Variants in PTPRT observed in about 807,000 individuals in gnomAD.
PTPRT encodes protein tyrosine phosphatase receptor type T, also known as receptor-type tyrosine-protein phosphatase T.
PTPRT carries 56 observed loss-of-function variants against 176.8 expected under a neutral mutation model. The ratio of observed to expected loss-of-function variants is 0.32; its 90% CI spans 0.26 to 0.40. The LOEUF (loss-of-function observed/expected upper bound fraction) is 0.40. Among genes scored for constraint, PTPRT ranks in the 10% least tolerant of loss-of-function variants. The pLI is 1.00. For missense variants in PTPRT, 1,540 were observed against 1,908.2 expected, an observed-to-expected ratio of 0.81 and a Z score of 3.60; for synonymous variants, 783 against 739.0, an observed-to-expected ratio of 1.06 and a Z score of -0.96.
At chr20:42,428,117 A>G (rs1243674334) in intron 9 of PTPRT, among the ~76,000 whole-genome samples, 1 of 152,204 alleles carries the variant, frequency 6.6e-6, no homozygotes, top group East Asian at 1.9e-4. Flanking sequence ...TACATTGGGA[A>G]TTAGGTTTTA....
intron 11 of PTPRT, among the ~76,000 whole-genome samples, chr20:42,319,289 T>C (rs969914577): frequency 2.0e-5 from 3 of 151,336 alleles, no homozygotes; most frequent in Admixed American, 6.6e-5. Context: ...TATTTTCTTC[T>C]CTTCCTACAA....
At chr20:42,048,896 A>C in the PTPRT span, among the ~76,000 whole-genome samples, 2 of 152,166 alleles carry the variant, frequency 1.3e-5, no homozygotes, top group Non-Finnish European at 2.9e-5. Context: ...ATCTCGGCTC[A>C]CTGCAACCTC....
intron 2 of PTPRT, among the ~76,000 whole-genome samples, chr20:42,861,460 G>A (rs1398765118): frequency 2.0e-5 from 3 of 151,776 alleles, no homozygotes; most frequent in South Asian, 2.1e-4. Flanking sequence ...TGAAATTAAC[G>A]TGACACTTAT....
chr20:42,441,450 C>T (rs922182290), intron 9 of PTPRT, among the ~76,000 whole-genome samples: 1 of 152,088 alleles, frequency 6.6e-6, no homozygotes, highest in African/African-American at 2.4e-5. Flanking sequence ...GGAAGAGGAG[C>T]GGCAGGTGAA....
chr20:43,088,333 G>GGTGTGTGTGTGTGTGTGT (rs67837016), intron 1 of PTPRT, among the ~76,000 whole-genome samples: 4 of 142,758 alleles, frequency 2.8e-5, no homozygotes, highest in Non-Finnish European at 4.6e-5. Context: ...TTTGCTTTGG[G>GGTGTGTGTGTGTGTGTGT]GTGTGTGTGT....
At chr20:42,219,896 G>A (rs539080189) in intron 15 of PTPRT, among the ~76,000 whole-genome samples, 6 of 152,286 alleles carry the variant, frequency 3.9e-5, no homozygotes, top group African/African-American at 1.4e-4. Flanking sequence ...AGACAGATGA[G>A]AACTCACATG....
At chr20:42,162,585 T>C (rs1989651340) in intron 16 of PTPRT, among the ~76,000 whole-genome samples, 2 of 152,152 alleles carry the variant, frequency 1.3e-5, no homozygotes, top group African/African-American at 2.4e-5. Context: ...TCCAAAGACA[T>C]GGACAGTCTA....
At chr20:42,199,096 G>C in intron 16 of PTPRT, 144 bp downstream of exon 16, 1 of 926,082 alleles carries the variant, frequency 1.1e-6, no homozygotes, top group Non-Finnish European at 1.6e-6. Flanking sequence ...CTTTGTCAGG[G>C]AGAACCTTCA....
At chr20:42,935,977 A>C (rs973952009) in intron 1 of PTPRT, among the ~76,000 whole-genome samples, 1 of 152,188 alleles carries the variant, frequency 6.6e-6, no homozygotes, top group Admixed American at 6.5e-5. Flanking sequence ...CGAACTCCCA[A>C]CCTCAGGTAA....
intron 18 of PTPRT, 33 bp from the exon 19 acceptor site, chr20:42,128,863 G>A: frequency 1.9e-6 from 3 of 1,564,134 alleles, no homozygotes; most frequent in Non-Finnish European, 2.6e-6. Context: ...GGGGATGGTT[G>A]ATAAGAGGCC....
intron 19 of PTPRT, among the ~76,000 whole-genome samples, chr20:42,124,041 G>A (rs1987727154): frequency 6.6e-6 from 1 of 152,154 alleles, no homozygotes; most frequent in Non-Finnish European, 1.5e-5. Context: ...CATGCTGTGT[G>A]CCTGTTCCCA....
intron 17 of PTPRT, among the ~76,000 whole-genome samples, chr20:42,149,291 G>A (rs886853859): frequency 1.5e-4 from 23 of 152,336 alleles, no homozygotes; most frequent in Admixed American, 4.6e-4. Context: ...GCTCTCCAGA[G>A]CAGAGAGAAT....
intron 12 of PTPRT, among the ~76,000 whole-genome samples, chr20:42,296,006 C>T (rs1179800230): frequency 1.3e-5 from 2 of 152,216 alleles, no homozygotes; most frequent in African/African-American, 4.8e-5. Context: ...AAACAAATAT[C>T]TTTTCTTTAT....
chr20:42,501,592 C>T (rs6102868), intron 7 of PTPRT, among the ~76,000 whole-genome samples: 19,865 of 152,094 alleles, frequency 0.13, 3,055 homozygotes, highest in African/African-American at 0.38. Context: ...ACAGCCACAC[C>T]TATTTGTTTA....
chr20:43,140,161 A>G (rs2013957485), intron 1 of PTPRT, among the ~76,000 whole-genome samples: 1 of 152,170 alleles, frequency 6.6e-6, no homozygotes, highest in South Asian at 2.1e-4. Context: ...TTGTTTTACA[A>G]CTGATAAACC....
At chr20:42,375,845 C>T (rs1382674457) in intron 9 of PTPRT, among the ~76,000 whole-genome samples, 1 of 152,122 alleles carries the variant, frequency 6.6e-6, no homozygotes, top group Non-Finnish European at 1.5e-5. Context: ...TAGTGAAAGT[C>T]AGGACAGTCC....
intron 1 of PTPRT, among the ~76,000 whole-genome samples, chr20:42,953,161 A>G (rs1347392488): frequency 6.6e-6 from 1 of 152,242 alleles, no homozygotes; most frequent in Non-Finnish European, 1.5e-5. Flanking sequence ...CCAAATCTAA[A>G]CTAAATGACA....
At chr20:42,100,111 T>A (rs2146224415) in intron 26 of PTPRT, among the ~76,000 whole-genome samples, 1 of 152,336 alleles carries the variant, frequency 6.6e-6, no homozygotes. Flanking sequence ...AATACCCACA[T>A]GCAAAATGGG....
intron 6 of PTPRT, among the ~76,000 whole-genome samples, chr20:42,710,441 C>A (rs1303929815): frequency 6.6e-6 from 1 of 152,228 alleles, no homozygotes; most frequent in African/African-American, 2.4e-5. Flanking sequence ...CCCACTGTGG[C>A]TCAAAGGGCC....
Sources: allele counts gnomAD v4.1 joint callset (sites outside exome capture counted in the v4.1 genomes callset), GRCh38; gene constraint gnomAD v4.1.1; transcripts MANE v1.5; gene names NCBI Gene and HGNC (gene_info 2026-07-23, HGNC 2026-07-21).